The following ARB2A variants were observed in gnomAD, a reference collection of about 807,000 sequenced individuals.
ARB2A encodes cotranscriptional regulator ARB2A.
the ARB2A span, among the ~76,000 whole-genome samples, chr5:93,771,086 G>A: frequency 6.6e-6 from 1 of 152,236 alleles, no homozygotes; most frequent in African/African-American, 2.4e-5. Context: ...AAAACAGCAT[G>A]GTACTGGTAT....
the ARB2A span, among the ~76,000 whole-genome samples, chr5:93,753,516 G>C: frequency 4.6e-5 from 7 of 152,108 alleles, no homozygotes; most frequent in South Asian, 1.2e-3. Context: ...TTAGTAGTTA[G>C]GTACATATGA....
chr5:93,744,380 T>A, the ARB2A span, among the ~76,000 whole-genome samples: 7 of 127,516 alleles, frequency 5.5e-5, no homozygotes, highest in East Asian at 2.4e-4. Flanking sequence ...GGTTGCAGTG[T>A]GCCGAGATCG....
the ARB2A span, among the ~76,000 whole-genome samples, chr5:93,760,789 T>C: frequency 6.6e-6 from 1 of 152,340 alleles, no homozygotes; most frequent in East Asian, 1.9e-4. Context: ...GACCTGATAC[T>C]ATAAAAATTC....
At chr5:93,939,910 T>G in the ARB2A span, among the ~76,000 whole-genome samples, 2 of 151,998 alleles carry the variant, frequency 1.3e-5, no homozygotes, top group African/African-American at 4.8e-5. Flanking sequence ...GATTAAACCT[T>G]ATGATCTTAT....
chr5:94,041,238 C>G, the ARB2A span, among the ~76,000 whole-genome samples: 1 of 151,470 alleles, frequency 6.6e-6, no homozygotes, highest in Non-Finnish European at 1.5e-5. Context: ...CTTTGTGTGT[C>G]CTTCTGTATT....
chr5:94,056,130 C>T, the ARB2A span, among the ~76,000 whole-genome samples: 3 of 152,168 alleles, frequency 2.0e-5, no homozygotes, highest in Non-Finnish European at 4.4e-5. Context: ...CCAAAGTCAG[C>T]ACTCTTTCAA....
chr5:93,669,552 G>A, the ARB2A span, among the ~76,000 whole-genome samples: 2 of 152,164 alleles, frequency 1.3e-5, no homozygotes, highest in Non-Finnish European at 2.9e-5. Flanking sequence ...GATTCTTAAT[G>A]TTATTAAAAT....
chr5:93,948,506 T>G, the ARB2A span, among the ~76,000 whole-genome samples: 2 of 152,160 alleles, frequency 1.3e-5, no homozygotes, highest in Admixed American at 6.5e-5. Flanking sequence ...AGAAGCTCTT[T>G]AGTTTAATTA....
the ARB2A span, among the ~76,000 whole-genome samples, chr5:93,984,946 G>A: frequency 6.6e-6 from 1 of 152,148 alleles, no homozygotes; most frequent in African/African-American, 2.4e-5. Context: ...TATACATTGA[G>A]AGGTCTCACT....
chr5:93,649,789 C>G, the ARB2A span, among the ~76,000 whole-genome samples: 4 of 152,038 alleles, frequency 2.6e-5, no homozygotes, highest in African/African-American at 9.7e-5. Flanking sequence ...TCCCTGAAAC[C>G]CATAAAGGCC....
chr5:93,823,979 A>G, the ARB2A span, among the ~76,000 whole-genome samples: 1 of 152,016 alleles, frequency 6.6e-6, no homozygotes, highest in African/African-American at 2.4e-5. Context: ...AATAAAATAA[A>G]TAAGTAAATT....
At chr5:93,711,840 T>C in the ARB2A span, among the ~76,000 whole-genome samples, 1 of 152,250 alleles carries the variant, frequency 6.6e-6, no homozygotes, top group Non-Finnish European at 1.5e-5. Context: ...CCAATCATGT[T>C]ATCCTCAAGT....
At chr5:93,636,560 T>C in the ARB2A span, among the ~76,000 whole-genome samples, 2 of 152,304 alleles carry the variant, frequency 1.3e-5, no homozygotes, top group South Asian at 2.1e-4. Context: ...TCATCAGACA[T>C]TGAATCTGTT....
At chr5:94,039,872 C>T in the ARB2A span, among the ~76,000 whole-genome samples, 1 of 152,080 alleles carries the variant, frequency 6.6e-6, no homozygotes, top group African/African-American at 2.4e-5. Context: ...AGAACCATCA[C>T]CCCCCAACCC....
At chr5:93,969,522 C>T in the ARB2A span, among the ~76,000 whole-genome samples, 1 of 152,080 alleles carries the variant, frequency 6.6e-6, no homozygotes, top group African/African-American at 2.4e-5. Flanking sequence ...ACTACTAATA[C>T]AGTAATGCCC....
the ARB2A span, among the ~76,000 whole-genome samples, chr5:93,993,113 A>G: frequency 6.6e-6 from 1 of 152,114 alleles, no homozygotes; most frequent in Admixed American, 6.6e-5. Flanking sequence ...ACTGAATAAA[A>G]TGTACCTGCC....
At chr5:93,830,323 A>G in the ARB2A span, among the ~76,000 whole-genome samples, 10,853 of 43,018 alleles carry the variant, frequency 0.25, 1,141 homozygotes, top group East Asian at 0.44. Context: ...ATATATATAT[A>G]TATATATATA....
the ARB2A span, among the ~76,000 whole-genome samples, chr5:93,834,642 T>G: frequency 6.6e-6 from 1 of 152,132 alleles, no homozygotes; most frequent in African/African-American, 2.4e-5. Context: ...TTAATAAACT[T>G]AGATTAGTTT....
the ARB2A span, among the ~76,000 whole-genome samples, chr5:93,707,714 A>G: frequency 6.6e-6 from 1 of 151,564 alleles, no homozygotes; most frequent in Non-Finnish European, 1.5e-5. Context: ...AGCTGGAATT[A>G]CAGATGCCCG....
Sources: gnomAD v4.1 joint callset for allele counts (sites outside exome capture counted in the v4.1 genomes callset) on GRCh38, gnomAD v4.1.1 for gene constraint, MANE v1.5 for transcripts, NCBI Gene and HGNC (gene_info 2026-07-23, HGNC 2026-07-21) for gene names.